Variants in AMMECR1 observed in about 807,000 individuals in gnomAD.
AMMECR1 encodes nuclear protein AMMECR1.
In AMMECR1, 3 loss-of-function variants were observed where a neutral mutation model predicts 22.5. That is an observed-to-expected ratio of 0.13 (90% confidence interval 0.06 to 0.35). AMMECR1 has a LOEUF of 0.35. Among genes scored for constraint, AMMECR1 ranks in the 10% least tolerant of loss-of-function variants. The pLI is 1.00. For missense variants in AMMECR1, 235 were observed against 278.7 expected (o/e 0.84, Z 1.12); for synonymous variants, 130 against 116.7 (o/e 1.11, Z -0.74).
rs2067934548 is a variant in AMMECR1, at chrX:110,296,093, A to G, written c.473+21506T>C. ...GATTACCTTTCATATTTCTTCCAAAACAGGTCTTCAGCAACAAATTATCTG... is the reference window on the plus strand; with the variant it reads ...GATTACCTTTCATATTTCTTCCAAAGCAGGTCTTCAGCAACAAATTATCTG... On this transcript the variant is annotated intron_variant, in intron 1 of 5. Coordinates refer to ENST00000262844, the MANE Select transcript of AMMECR1 (RefSeq NM_015365.3). 2.7e-5 allele frequency among the ~76,000 whole-genome samples: 3 copies of G among 112,116 alleles called. No homozygotes were observed. The South Asian group carries it at 1.1e-3, about 41-fold the overall frequency.
intron 2 of AMMECR1, among the ~76,000 whole-genome samples, chrX:110,358,646 T>G (rs1427853488): frequency 8.9e-6 from 1 of 111,998 alleles, no homozygotes; most frequent in Non-Finnish European, 1.9e-5. Flanking sequence ...TTATACTGTC[T>G]GTATTTGCTT....
At chrX:110,356,222 G>A (rs1245606184) in intron 2 of AMMECR1, among the ~76,000 whole-genome samples, 2 of 102,656 alleles carry the variant, frequency 1.9e-5, no homozygotes, top group African/African-American at 3.6e-5. Context: ...GCAGCATCTC[G>A]GCTCACTGCA....
In AMMECR1 at chrX:110,219,718, C is replaced by G. The variant is rs1426293829; in HGVS notation, c.585-3086G>C. On this transcript the variant is annotated intron_variant, in intron 2 of 5. Transcript: ENST00000262844. ...GTGCCTCACCATGTCAAGATTCAAA[C>G]ATACTGATTTCAAAACTCTGAAATA... 7.3e-6 allele frequency: 3 copies of G among 413,661 alleles called. No individual in the cohort carries two copies. The Admixed American group carries it at 2.7e-4, about 38-fold the overall frequency. 34.1% of individuals were successfully genotyped at this position (413,661 alleles called of 1,213,427 possible).
chrX:110,421,314 A>T (rs921594174), intron 2 of AMMECR1, among the ~76,000 whole-genome samples: 2 of 112,615 alleles, frequency 1.8e-5, no homozygotes, highest in African/African-American at 6.5e-5. Flanking sequence ...GGAGTTGTAC[A>T]CCCTAGTGGC....
In AMMECR1 at chrX:110,317,867, T is replaced by A; in HGVS notation, c.205A>T (p.Thr69Ser). The stretch of plus-strand genomic sequence containing the variant: ...CCGCAGCCCTGGGGGGGAGAGAGGG[T>A]ACAGCCGCTGCCGCTACCTCCTCCG... ...LTGGGSGSGC[T>S]LSPPQGCGGG... The change falls in exon 1 of 6, where the codon ACC becomes TCC. Residue 69 changes from threonine (T) to serine (S), a missense_variant. Coordinates refer to ENST00000262844, the MANE Select transcript of AMMECR1 (RefSeq NM_015365.3). The A allele has an allele frequency of 8.5e-7, 1 of 1,175,580 alleles. No homozygotes were observed. Among genetic ancestry groups the A allele is most frequent in the Non-Finnish European group, 1.1e-6 (1 of 877,812 alleles).
intron 2 of AMMECR1, among the ~76,000 whole-genome samples, chrX:110,247,458 A>G (rs1388923418): frequency 8.9e-6 from 1 of 112,260 alleles, no homozygotes; most frequent in Non-Finnish European, 1.9e-5. Context: ...TGGGAGGCCG[A>G]GGTGGGCAGA....
chrX:110,348,084 AT>A (rs2068197643), intron 2 of AMMECR1, among the ~76,000 whole-genome samples: 1 of 111,474 alleles, frequency 9.0e-6, no homozygotes, highest in African/African-American at 3.3e-5. Context: ...TTTTTTTGGC[AT>A]TTCTCAATTA....
intron 2 of AMMECR1, among the ~76,000 whole-genome samples, chrX:110,359,936 T>C (rs769682529): frequency 1.8e-5 from 2 of 112,133 alleles, no homozygotes; most frequent in African/African-American, 6.5e-5. Context: ...AGCAGCACTT[T>C]CCAAACTCTG....
intron 1 of AMMECR1, among the ~76,000 whole-genome samples, chrX:110,286,590 T>C (rs1325311362): frequency 9.4e-6 from 1 of 106,414 alleles, no homozygotes; most frequent in Non-Finnish European, 1.9e-5. Context: ...GAGGATCACC[T>C]GAGCCTGGGA....
intron 2 of AMMECR1, among the ~76,000 whole-genome samples, chrX:110,412,657 T>C (rs889063322): frequency 1.8e-5 from 2 of 112,693 alleles, no homozygotes; most frequent in Non-Finnish European, 3.7e-5. Context: ...TACACATTAC[T>C]ATTCCAACTA....
intron 2 of AMMECR1, among the ~76,000 whole-genome samples, chrX:110,341,117 C>A (rs1318136041): frequency 8.9e-6 from 1 of 112,479 alleles, no homozygotes; most frequent in Admixed American, 9.4e-5. Flanking sequence ...AAGTCACTGG[C>A]AAGATTATAG....
At chrX:110,300,974 G>A (rs1029132442) in intron 1 of AMMECR1, among the ~76,000 whole-genome samples, 51 of 111,661 alleles carry the variant, frequency 4.6e-4, no homozygotes, top group South Asian at 3.7e-4. Context: ...GCACATCTAG[G>A]CTTCCTCAGT....
chrX:110,306,051 G>A (rs1466733419), intron 1 of AMMECR1, among the ~76,000 whole-genome samples: 1 of 110,908 alleles, frequency 9.0e-6, no homozygotes, highest in Non-Finnish European at 1.9e-5. Context: ...GGAGGCCGAG[G>A]CAGGCGGATC....
At chrX:110,361,809 T>G (rs1196002355) in intron 2 of AMMECR1, among the ~76,000 whole-genome samples, 1 of 112,572 alleles carries the variant, frequency 8.9e-6, no homozygotes, top group Non-Finnish European at 1.9e-5. Context: ...AAACTTTTTC[T>G]GTAAAGGTCC....
chrX:110,435,334 G>A (rs1226280241), intron 1 of AMMECR1, among the ~76,000 whole-genome samples: 2 of 111,709 alleles, frequency 1.8e-5, no homozygotes, highest in Non-Finnish European at 3.8e-5. Context: ...GGGCAGCAAG[G>A]ACAAAGACCA....
At chrX:110,364,239 C>T (rs1039502289) in intron 2 of AMMECR1, among the ~76,000 whole-genome samples, 2 of 111,832 alleles carry the variant, frequency 1.8e-5, no homozygotes, top group Non-Finnish European at 3.8e-5. Context: ...TATAAGGACA[C>T]TTATCATTGG....
At chrX:110,291,423 G>C (rs944090722) in intron 1 of AMMECR1, among the ~76,000 whole-genome samples, 3 of 111,146 alleles carry the variant, frequency 2.7e-5, no homozygotes, top group African/African-American at 9.8e-5. Context: ...CTACTCAGGA[G>C]GCTGAGGCAG....
chrX:110,242,690 A>G (rs1349381498), intron 2 of AMMECR1, among the ~76,000 whole-genome samples: 1 of 111,933 alleles, frequency 8.9e-6, no homozygotes, highest in African/African-American at 3.2e-5. Flanking sequence ...TAAGGTAATC[A>G]GCAAACATAG....
At chrX:110,232,139 C>T (rs1019045469) in intron 2 of AMMECR1, among the ~76,000 whole-genome samples, 1 of 111,040 alleles carries the variant, frequency 9.0e-6, no homozygotes, top group Non-Finnish European at 1.9e-5. Flanking sequence ...TACCCAGGAC[C>T]TGAATTTGAC....
Sources: gnomAD v4.1 joint callset for allele counts (sites outside exome capture counted in the v4.1 genomes callset) on GRCh38, gnomAD v4.1.1 for gene constraint, MANE v1.5 for transcripts, NCBI Gene and HGNC (gene_info 2026-07-23, HGNC 2026-07-21) for gene names.